Variants in LRRFIP1 observed in about 807,000 individuals in gnomAD.
LRRFIP1 encodes leucine-rich repeat flightless-interacting protein 1.
In LRRFIP1, 62 loss-of-function variants were observed where a neutral mutation model predicts 104.4. The observed-to-expected ratio is 0.59, with a 90% CI of 0.48 to 0.73. The LOEUF is 0.73. Among genes scored for constraint, LRRFIP1 ranks in the 30% least tolerant of loss-of-function variants. The pLI is 0.00. For missense variants in LRRFIP1, 796 were observed against 824.5 expected (o/e 0.97, Z 0.42); for synonymous variants, 300 against 299.0 (o/e 1.00, Z -0.03).
intron 1 of LRRFIP1, among the ~76,000 whole-genome samples, chr2:237,687,671 G>A (rs150580289): frequency 4.6e-4 from 70 of 150,878 alleles, no homozygotes; most frequent in African/African-American, 1.6e-3. Flanking sequence ...CTCATGGTTT[G>A]TAGAAGTAAT....
At chr2:237,637,461 C>G (rs1363754950) in intron 1 of LRRFIP1, among the ~76,000 whole-genome samples, 1 of 152,124 alleles carries the variant, frequency 6.6e-6, no homozygotes, top group African/African-American at 2.4e-5. Flanking sequence ...GAGCGAGACT[C>G]CATCTCAAAA....
chr2:237,697,512 A>G (rs2093269218), intron 1 of LRRFIP1, among the ~76,000 whole-genome samples: 1 of 152,158 alleles, frequency 6.6e-6, no homozygotes, highest in South Asian at 2.1e-4. Flanking sequence ...ACCTCATCCA[A>G]GTAGATAAGT....
chr2:237,779,476 G>C lies in LRRFIP1; in HGVS notation c.1867G>C (p.Val623Leu), dbSNP rs773143957. 1.9e-6 allele frequency: 3 copies of C among 1,613,886 alleles called. No homozygotes were observed. In the African/African-American group the frequency reaches 4.0e-5, roughly 22 times the overall value. The change falls in exon 24 of 24, where the codon GTG (valine) becomes CTG (leucine). Residue 623 changes from valine to leucine, a missense_variant. Physicochemically the swap from Val to Leu is conservative, Grantham distance 32. Coordinates refer to ENST00000308482, the MANE Select transcript of LRRFIP1 (RefSeq NM_001137550.2). ...EELEVSNGHL[V>L]KRLEKMKANR... is the part of the protein sequence containing the mutation. ...GCTCGAGGTGAGCAACGGCCACTTA[G>C]TGAAGCGTCTGGAAAAAATGAAAGC... is the stretch of plus-strand genomic sequence containing the variant.
intron 23 of LRRFIP1, among the ~76,000 whole-genome samples, chr2:237,778,847 G>A (rs930985008): frequency 6.6e-6 from 1 of 152,014 alleles, no homozygotes; most frequent in Non-Finnish European, 1.5e-5. Flanking sequence ...AACCCAGAAG[G>A]CGGAGGTTGC....
intron 19 of LRRFIP1, chr2:237,765,017 A>G: frequency 2.1e-6 from 2 of 960,540 alleles, no homozygotes; most frequent in Non-Finnish European, 2.5e-6. Context: ...ATCTCAGTAC[A>G]TTGGGAGGCC....
At chr2:237,744,804 A>G (rs560215943) in intron 11 of LRRFIP1, among the ~76,000 whole-genome samples, 1 of 152,396 alleles carries the variant, frequency 6.6e-6, no homozygotes, top group South Asian at 2.1e-4. Context: ...AACAGGCTGC[A>G]ATGTGTTCGG....
In LRRFIP1 at chr2:237,779,899, T is replaced by C. The variant is rs1307876161; in HGVS notation, c.*367T>C. ...ACTTGAGTTTTTTTTTTTTTTCATG[T>C]GTCTTGCTGAAGATTAAGGGGAAAT... On this transcript the variant is annotated 3_prime_UTR_variant, in exon 24 of 24. Transcript: ENST00000308482. 1 of 168,306 alleles carries C rather than the reference T, an allele frequency of 5.9e-6. No homozygotes were observed. Among genetic ancestry groups the C allele is most frequent in the Admixed American group, 6.0e-5 (1 of 16,628 alleles). The allele number at this position is 168,306 out of a possible 1,614,324, so 10.4% of individuals were successfully genotyped here.
In LRRFIP1 at chr2:237,735,179, C is replaced by A; in HGVS notation, c.490-89C>A. 3 of 1,046,962 alleles carry A rather than the reference C, an allele frequency of 2.9e-6. No homozygotes were observed. The South Asian group carries it at 4.4e-5, about 15-fold the overall frequency. The allele number at this position is 1,046,962 out of a possible 1,614,324, so 64.9% of individuals were successfully genotyped here. A position where few individuals can be genotyped will look rare whatever the true frequency, so the allele number is the denominator to read the frequency against. On this transcript the variant is annotated intron_variant, in intron 9 of 23. Coordinates refer to ENST00000308482, the MANE Select transcript of LRRFIP1 (RefSeq NM_001137550.2). The surrounding 1 kb of genome is among the most constrained non-coding windows in gnomAD (Gnocchi z 4.6). ...TTCAGGTCATGCTCCTGGCACGTGT[C>A]AGTTTTTCACAGCTCACGTTTTCAG...
intron 1 of LRRFIP1, among the ~76,000 whole-genome samples, chr2:237,653,900 A>G (rs945140470): frequency 3.3e-5 from 5 of 152,246 alleles, no homozygotes; most frequent in African/African-American, 9.6e-5. Flanking sequence ...CTATAAAACT[A>G]GTAGGAGAAA....
Position 237,691,170 on chromosome 2 carries a change from T to C in LRRFIP1, c.97-17374T>C, listed in dbSNP as rs564166727. 1.1e-4 allele frequency among the ~76,000 whole-genome samples: 16 copies of C among 152,166 alleles called. No individual in the cohort carries two copies. The highest frequency in any genetic ancestry group is 1.9e-4 in the Non-Finnish European group (13 of 68,032). On this transcript the variant is annotated intron_variant, in intron 1 of 23. Coordinates refer to ENST00000308482, the MANE Select transcript of LRRFIP1 (RefSeq NM_001137550.2). This position sits in a 1 kb window ranked among gnomAD's most constrained non-coding sequence, Gnocchi z 5.4. ...GGAGGGCTGTAAAATGTAAATGTGCTTTAAATTTTACATTTCCTGGCGTGG... is the reference window on the plus strand; with the variant it reads ...GGAGGGCTGTAAAATGTAAATGTGCCTTAAATTTTACATTTCCTGGCGTGG...
intron 1 of LRRFIP1, among the ~76,000 whole-genome samples, chr2:237,645,164 T>C (rs1357829252): frequency 6.6e-6 from 1 of 152,206 alleles, no homozygotes; most frequent in Non-Finnish European, 1.5e-5. Flanking sequence ...CCATCATTAG[T>C]AAATTTGGAG....
At chr2:237,697,204 G>A (rs1352443009) in intron 1 of LRRFIP1, among the ~76,000 whole-genome samples, 1 of 151,978 alleles carries the variant, frequency 6.6e-6, no homozygotes, top group African/African-American at 2.4e-5. Context: ...TGTATTTTTA[G>A]TAGAGATGGG....
At chr2:237,763,939 T>C in intron 19 of LRRFIP1, 1 of 1,614,202 alleles carries the variant, frequency 6.2e-7, no homozygotes, top group Non-Finnish European at 8.5e-7. Flanking sequence ...GTGATGCCTG[T>C]GAAGCAGAAA....
chr2:237,720,964 A>G (rs2094517177), intron 6 of LRRFIP1, 142 bp downstream of exon 6: 1 of 692,302 alleles, frequency 1.4e-6, no homozygotes, highest in Non-Finnish European at 2.6e-6. Flanking sequence ...CTTACTTAAA[A>G]TCAAATCAAT....
At chr2:237,720,698 T>A (rs1244023589) in intron 5 of LRRFIP1, 74 bp from the exon 6 acceptor site, 2 of 1,379,886 alleles carry the variant, frequency 1.4e-6, no homozygotes, top group African/African-American at 1.4e-5. Context: ...AGCATCCCCC[T>A]GAAACTTGGG....
chr2:237,718,510 G>A (rs1014784739), intron 4 of LRRFIP1, among the ~76,000 whole-genome samples: 1 of 152,166 alleles, frequency 6.6e-6, no homozygotes, highest in East Asian at 1.9e-4. Flanking sequence ...GGGAGGCTGC[G>A]GAAGGGGCAC....
At chr2:237,628,107 G>A (rs2081853299) in intron 1 of LRRFIP1, among the ~76,000 whole-genome samples, 1 of 152,184 alleles carries the variant, frequency 6.6e-6, no homozygotes, top group South Asian at 2.1e-4. Flanking sequence ...GCTTTGTTGT[G>A]CGGCATGGGA....
At chr2:237,746,563 G>A (rs1370503513) in intron 11 of LRRFIP1, among the ~76,000 whole-genome samples, 1 of 152,028 alleles carries the variant, frequency 6.6e-6, no homozygotes, top group East Asian at 1.9e-4. Context: ...TCATCTTATC[G>A]GAGTCTGCCT....
chr2:237,772,183 G>A lies in LRRFIP1; in HGVS notation c.1612G>A (p.Val538Ile). The A allele has an allele frequency of 6.2e-7, 1 of 1,612,408 alleles. No homozygotes were observed. The highest frequency in any genetic ancestry group is 8.5e-7 in the Non-Finnish European group (1 of 1,178,408). Residue 538 changes from valine (V) to isoleucine (I), a missense_variant, in exon 21 of 24, where the codon GTA becomes ATA. Coordinates refer to ENST00000308482, the MANE Select transcript of LRRFIP1 (RefSeq NM_001137550.2). Reference protein sequence around the residue: ...DVLENGTDMHVMDLQRDANRQ... With the variant: ...DVLENGTDMHIMDLQRDANRQ... ...CTTGGAAAACGGGACAGACATGCAT[G>A]TAATGGACCTACAAAGTAAATGTCA...
Sources: gnomAD v4.1 joint callset for allele counts (sites outside exome capture counted in the v4.1 genomes callset) on GRCh38, gnomAD v4.1.1 for gene constraint, Gnocchi (gnomAD v3.1) non-coding constraint, MANE v1.5 for transcripts, NCBI Gene and HGNC (gene_info 2026-07-23, HGNC 2026-07-21) for gene names.